The following FOXN2 variants were observed in gnomAD, a reference collection of about 807,000 sequenced individuals.
FOXN2 encodes the protein forkhead box N2.
Under a neutral mutation model 41.2 loss-of-function variants are expected in FOXN2, and 19 were observed. The ratio of observed to expected loss-of-function variants is 0.46; its 90% CI spans 0.32 to 0.68. The LOEUF (loss-of-function observed/expected upper bound fraction) is 0.68. Among genes scored for constraint, FOXN2 ranks in the 30% least tolerant of loss-of-function variants. FOXN2 has a pLI of 0.03. For synonymous variants in FOXN2, 195 were observed against 176.8 expected, an observed-to-expected ratio of 1.10 and a Z score of -0.82; for missense variants, 587 against 509.4, an observed-to-expected ratio of 1.15 and a Z score of -1.47.
At chr2:48,349,938 A>T (rs1026832246) in intron 3 of FOXN2, among the ~76,000 whole-genome samples, 1 of 152,270 alleles carries the variant, frequency 6.6e-6, no homozygotes, top group African/African-American at 2.4e-5. Flanking sequence ...ATGACAGCTT[A>T]GAATCCCTGA....
rs574980247 is a variant in FOXN2, at chr2:48,317,595, C to CTTTTTTTTTTTTTTTTTTTTTTTTT, written c.-157+2787_-157+2811dup. ...ACAATGCCTATAGCCTATAGTATTG[C>CTTTTTTTTTTTTTTTTTTTTTTTTT]TTTTTTTTTTTTTTTTTTTTTTTTT... On this transcript the variant is annotated intron_variant, in intron 1 of 6. Coordinates refer to ENST00000340553, the MANE Select transcript of FOXN2 (RefSeq NM_002158.4). 5.8e-5 allele frequency among the ~76,000 whole-genome samples: 2 copies of CTTTTTTTTTTTTTTTTTTTTTTTTT among 34,712 alleles called. 1 individual carries two copies. Among genetic ancestry groups the CTTTTTTTTTTTTTTTTTTTTTTTTT allele is most frequent in the African/African-American group, 1.7e-4 (2 of 11,500 alleles). 22.8% of individuals were successfully genotyped at this position (34,712 alleles called of 152,430 possible).
At position 48,322,135 on chromosome 2, in the gene FOXN2, A is replaced by G. The variant is rs889296684; in HGVS notation, c.-156-6426A>G. The stretch of plus-strand genomic sequence containing the variant: ...TAATTTTTTTGTATTTTTAGTAGAG[A>G]TGGGGTTTCACCGTGTTGGCCAGGC... On this transcript the variant is annotated intron_variant, in intron 1 of 6. Coordinates refer to ENST00000340553, the MANE Select transcript of FOXN2 (RefSeq NM_002158.4). Among the ~76,000 whole-genome samples, 5 of 152,096 alleles carry G rather than the reference A, an allele frequency of 3.3e-5. No homozygotes were observed. In the South Asian group the frequency reaches 6.2e-4, roughly 19 times the overall value.
At chr2:48,315,082 C>T (rs867335792) in intron 1 of FOXN2, among the ~76,000 whole-genome samples, 4 of 151,840 alleles carry the variant, frequency 2.6e-5, no homozygotes, top group African/African-American at 7.3e-5. Context: ...AGGAGTTTTT[C>T]CTGAGAGGTA....
intron 2 of FOXN2, among the ~76,000 whole-genome samples, chr2:48,330,168 A>G (rs1033302403): frequency 1.3e-5 from 2 of 152,146 alleles, no homozygotes; most frequent in Non-Finnish European, 2.9e-5. Context: ...ATTTATTATA[A>G]TAAGCTGATA....
At chr2:48,339,837 A>AAATTATATATT (rs1670622559) in intron 2 of FOXN2, among the ~76,000 whole-genome samples, 2 of 152,258 alleles carry the variant, frequency 1.3e-5, no homozygotes, top group Non-Finnish European at 2.9e-5. Context: ...AGACTTCTAT[A>AAATTATATATT]ACAGTAGTAC....
chr2:48,359,078 A>T lies in FOXN2; in HGVS notation c.569A>T (p.Asp190Val). ...VNGKGSLWCV[D>V]PEYKPNLIQA... Reference sequence around the variant, plus strand: ...GGAAAAGGTTCCTTATGGTGTGTTGATCCGGAATATAAACCCAATCTTATC... The same window carrying T: ...GGAAAAGGTTCCTTATGGTGTGTTGTTCCGGAATATAAACCCAATCTTATC... Residue 190 changes from aspartate (D) to valine (V), a missense_variant, in exon 4 of 7, where the codon GAT becomes GTT. By Grantham distance (152) the Asp-to-Val change is radical (BLOSUM62 -3). Coordinates refer to ENST00000340553, the MANE Select transcript of FOXN2 (RefSeq NM_002158.4). The T allele has an allele frequency of 1.2e-6, 2 of 1,613,616 alleles. No homozygotes were observed. The highest frequency in any genetic ancestry group is 1.7e-6 in the Non-Finnish European group (2 of 1,179,766).
At chr2:48,319,874 C>A (rs1348130793) in intron 1 of FOXN2, among the ~76,000 whole-genome samples, 18 of 148,992 alleles carry the variant, frequency 1.2e-4, no homozygotes, top group African/African-American at 4.2e-4. Context: ...TCAAGGGATC[C>A]TCCTACCTCA....
At chr2:48,323,032 A>G (rs1440770070) in intron 1 of FOXN2, among the ~76,000 whole-genome samples, 1 of 152,050 alleles carries the variant, frequency 6.6e-6, no homozygotes, top group Admixed American at 6.6e-5. Flanking sequence ...ATATTCTTCT[A>G]AACATACATT....
intron 2 of FOXN2, among the ~76,000 whole-genome samples, chr2:48,341,444 C>T (rs923192765): frequency 6.6e-6 from 1 of 152,100 alleles, no homozygotes; most frequent in African/African-American, 2.4e-5. Flanking sequence ...GAAAAATATG[C>T]AGCTTTGTAA....
At chr2:48,342,531 G>A (rs1030592398) in intron 2 of FOXN2, among the ~76,000 whole-genome samples, 1 of 151,988 alleles carries the variant, frequency 6.6e-6, no homozygotes, top group African/African-American at 2.4e-5. Flanking sequence ...CTAGGTCCTT[G>A]CCCAAAATTG....
At position 48,376,717 on chromosome 2, in the gene FOXN2, G is replaced by A. The variant is rs555635102; in HGVS notation, c.*1274G>A. The A allele has an allele frequency of 1.3e-5, 2 of 152,534 alleles. No individual in the cohort carries two copies. Among genetic ancestry groups the A allele is most frequent in the East Asian group, 1.9e-4 (1 of 5,186 alleles). The allele number at this position is 152,534 out of a possible 1,614,324, so 9.4% of individuals were successfully genotyped here. A position where few individuals can be genotyped will look rare whatever the true frequency, so the allele number is the denominator to read the frequency against. On this transcript the variant is annotated 3_prime_UTR_variant, in exon 7 of 7. Transcript: ENST00000340553. ...GAGACAGTTTTTCATAGTATCATTT[G>A]TATAATTTGATTAGATTATTCAGAA...
intron 2 of FOXN2, among the ~76,000 whole-genome samples, chr2:48,341,600 A>G (rs1273662455): frequency 6.6e-6 from 1 of 152,228 alleles, no homozygotes; most frequent in Non-Finnish European, 1.5e-5. Context: ...AAGCTACAGG[A>G]TGATGGATGC....
chr2:48,357,564 A>G (rs941614179), intron 3 of FOXN2, among the ~76,000 whole-genome samples: 4 of 151,594 alleles, frequency 2.6e-5, no homozygotes, highest in Non-Finnish European at 5.9e-5. Context: ...AGCCTCCTGA[A>G]TAGCTGAGAC....
intron 5 of FOXN2, among the ~76,000 whole-genome samples, chr2:48,363,041 A>G (rs1184885616): frequency 6.6e-6 from 1 of 152,144 alleles, no homozygotes; most frequent in Non-Finnish European, 1.5e-5. Flanking sequence ...TACTCCTTCC[A>G]CCAATTAAAA....
intron 2 of FOXN2, among the ~76,000 whole-genome samples, chr2:48,329,103 C>T (rs772085298): frequency 6.6e-6 from 1 of 152,062 alleles, no homozygotes; most frequent in Non-Finnish European, 1.5e-5. Flanking sequence ...TGTATTTGGT[C>T]TTTATGCAGA....
rs1001721408 is a variant in FOXN2 at position 48,358,388 on chromosome 2, C to T, written c.538-659C>T. Reference sequence around the variant, plus strand: ...TGGCCTGCATTGTTGTTTTACTTTACGGGTAAAATGTAAATGAGAAGTCTG... The same window carrying T: ...TGGCCTGCATTGTTGTTTTACTTTATGGGTAAAATGTAAATGAGAAGTCTG... On this transcript the variant is annotated intron_variant, in intron 3 of 6. Coordinates refer to ENST00000340553, the MANE Select transcript of FOXN2 (RefSeq NM_002158.4). Among the ~76,000 whole-genome samples, 5 of 151,994 alleles carry T rather than the reference C, an allele frequency of 3.3e-5. 1 individual carries two copies. Among genetic ancestry groups the T allele is most frequent in the Admixed American group, 1.3e-4 (2 of 15,256 alleles).
At chr2:48,372,544 T>C (rs1318754815) in intron 5 of FOXN2, among the ~76,000 whole-genome samples, 1 of 152,164 alleles carries the variant, frequency 6.6e-6, no homozygotes, top group Non-Finnish European at 1.5e-5. Context: ...ATTTTACTTT[T>C]CTTTAGTTAT....
chr2:48,350,526 T>C (rs1671381845), intron 3 of FOXN2, among the ~76,000 whole-genome samples: 1 of 152,186 alleles, frequency 6.6e-6, no homozygotes, highest in African/African-American at 2.4e-5. Flanking sequence ...GGCAGACAGC[T>C]TTTGCTTTGT....
At chr2:48,367,591 T>G (rs535176273) in intron 5 of FOXN2, among the ~76,000 whole-genome samples, 1 of 152,260 alleles carries the variant, frequency 6.6e-6, no homozygotes, top group East Asian at 1.9e-4. Context: ...TTAGTTTTGA[T>G]AGAGACAATA....
Sources: gnomAD v4.1 joint callset for allele counts (sites outside exome capture counted in the v4.1 genomes callset) on GRCh38, gnomAD v4.1.1 for gene constraint, MANE v1.5 for transcripts, NCBI Gene and HGNC (gene_info 2026-07-23, HGNC 2026-07-21) for gene names.